The following RBFOX1 variants were observed in gnomAD, a reference collection of about 807,000 sequenced individuals.
The protein encoded by RBFOX1 is RNA binding fox-1 homolog 1.
Under a neutral mutation model 57.7 loss-of-function variants are expected in RBFOX1, and 8 were observed. That is an observed-to-expected ratio of 0.14 (90% CI 0.08 to 0.25). The LOEUF (loss-of-function observed/expected upper bound fraction) is 0.25, where lower values mean the gene tolerates loss of function less well. Ranked by LOEUF, RBFOX1 falls within the 10% of genes least tolerant of loss-of-function variation. The probability of loss-of-function intolerance (pLI) is 1.00; values close to 1 mark genes in which losing one functional copy is unlikely to be tolerated. For synonymous variants in RBFOX1, 326 were observed against 222.4 expected (o/e 1.47, Z -4.15); for missense variants, 611 against 548.5 (o/e 1.11, Z -1.14).
At chr16:6,901,381 A>G (rs1458219432) in intron 3 of RBFOX1, among the ~76,000 whole-genome samples, 1 of 152,164 alleles carries the variant, frequency 6.6e-6, no homozygotes, top group African/African-American at 2.4e-5. Flanking sequence ...TGCAAAATCA[A>G]AGTGAACAGG....
At chr16:5,980,505 A>T (rs978032806) in intron 4 of RBFOX1, among the ~76,000 whole-genome samples, 19 of 152,072 alleles carry the variant, frequency 1.2e-4, no homozygotes, top group Non-Finnish European at 2.6e-4. Context: ...CACAGTTTTT[A>T]TTGGCTACCT....
chr16:5,392,317 T>C (rs1006475632), intron 1 of RBFOX1, among the ~76,000 whole-genome samples: 2 of 152,092 alleles, frequency 1.3e-5, no homozygotes, highest in Non-Finnish European at 2.9e-5. Flanking sequence ...AATAAGGGCA[T>C]AGTCACATCA....
intron 3 of RBFOX1, among the ~76,000 whole-genome samples, chr16:5,809,226 GA>G (rs2055336177): frequency 6.6e-6 from 1 of 152,142 alleles, no homozygotes; most frequent in African/African-American, 2.4e-5. Flanking sequence ...AACCCTAGAA[GA>G]AAACCTAGGC....
chr16:6,861,495 C>T (rs980339078), intron 3 of RBFOX1, among the ~76,000 whole-genome samples: 2 of 151,230 alleles, frequency 1.3e-5, no homozygotes, highest in African/African-American at 2.4e-5. Flanking sequence ...CCTCCCCCCC[C>T]GACTCAATTA....
chr16:5,796,534 A>G (rs990977625), intron 3 of RBFOX1, among the ~76,000 whole-genome samples: 7 of 150,654 alleles, frequency 4.6e-5, no homozygotes, highest in African/African-American at 1.7e-4. Flanking sequence ...CCAGGGATGA[A>G]GCAGGGCTGT....
At chr16:5,778,456 T>C (rs1409354343) in intron 3 of RBFOX1, among the ~76,000 whole-genome samples, 4 of 152,162 alleles carry the variant, frequency 2.6e-5, no homozygotes, top group African/African-American at 9.7e-5. Context: ...CATGAAATTA[T>C]TCAAACAAAG....
At chr16:5,748,764 C>T (rs1443149875) in intron 3 of RBFOX1, among the ~76,000 whole-genome samples, 1 of 152,222 alleles carries the variant, frequency 6.6e-6, no homozygotes, top group African/African-American at 2.4e-5. Context: ...CTATGTGTGT[C>T]TCTGCACATG....
chr16:6,432,636 C>A (rs576949235), intron 2 of RBFOX1, among the ~76,000 whole-genome samples: 1 of 151,196 alleles, frequency 6.6e-6, no homozygotes, highest in Non-Finnish European at 1.5e-5. Flanking sequence ...GAGCCGAGAT[C>A]GCAGCACTGC....
At chr16:7,556,210 A>G (rs1393305650) in intron 5 of RBFOX1, among the ~76,000 whole-genome samples, 1 of 152,160 alleles carries the variant, frequency 6.6e-6, no homozygotes, top group Non-Finnish European at 1.5e-5. Context: ...TAAGTTTTGC[A>G]CAACATGACG....
rs539661157 is a variant in RBFOX1 at position 5,508,044 on chromosome 16, A to G, written c.258+40790A>G. 9.1e-4 allele frequency among the ~76,000 whole-genome samples: 138 copies of G among 152,340 alleles called. 1 individual carries two copies. Among genetic ancestry groups the G allele is most frequent in the Non-Finnish European group, 1.7e-3 (114 of 68,028 alleles). ...CATCAGGAGTGGGGAAAAATGTAGAAGGGAAACCCCCATGGACAGTCCCCG... is the reference window on the plus strand; with the variant it reads ...CATCAGGAGTGGGGAAAAATGTAGAGGGGAAACCCCCATGGACAGTCCCCG... On this transcript the variant is annotated intron_variant, in intron 2 of 2. Coordinates refer to the RBFOX1 transcript ENST00000585867.
At chr16:6,414,206 T>C (rs911570741) in intron 2 of RBFOX1, among the ~76,000 whole-genome samples, 1 of 152,178 alleles carries the variant, frequency 6.6e-6, no homozygotes, top group Non-Finnish European at 1.5e-5. Flanking sequence ...GTGAAGAACC[T>C]TGGAAAGGTG....
rs115214602 is a variant in RBFOX1, at chr16:6,422,322, G to A, written c.-64+105265G>A. Among the ~76,000 whole-genome samples the A allele has an allele frequency of 2.1e-3, 324 of 151,644 alleles. 1 individual carries two copies. The highest frequency in any genetic ancestry group is 7.3e-3 in the African/African-American group (302 of 41,296). On this transcript the variant is annotated intron_variant, in intron 2 of 15. Coordinates refer to ENST00000550418, the MANE Select transcript of RBFOX1 (RefSeq NM_018723.4). Reference sequence around the variant, plus strand: ...GGTGTACTGTGTGATACTGAGGTTCGGGGTGTGGATGATCCCATCACCCAG... The same window carrying A: ...GGTGTACTGTGTGATACTGAGGTTCAGGGTGTGGATGATCCCATCACCCAG...
chr16:6,772,455 G>T (rs1179066362), intron 3 of RBFOX1, among the ~76,000 whole-genome samples: 1 of 151,584 alleles, frequency 6.6e-6, no homozygotes, highest in East Asian at 1.9e-4. Context: ...TGTATGTGTG[G>T]GCATGGGGTG....
chr16:6,853,530 G>T (rs557136837), intron 3 of RBFOX1, among the ~76,000 whole-genome samples: 14 of 152,194 alleles, frequency 9.2e-5, no homozygotes, highest in Non-Finnish European at 1.9e-4. Context: ...TCTGACAGTG[G>T]TAGATGCTTT....
chr16:7,096,838 A>T (rs1184437903), intron 4 of RBFOX1, among the ~76,000 whole-genome samples: 1 of 151,030 alleles, frequency 6.6e-6, no homozygotes, highest in Admixed American at 6.6e-5. Flanking sequence ...GGGCTGAGGT[A>T]AGAGAATCAC....
At chr16:6,087,410 G>A (rs1352157) in intron 1 of RBFOX1, among the ~76,000 whole-genome samples, 91,543 of 151,928 alleles carry the variant, frequency 0.6, 27,712 homozygotes, top group East Asian at 0.67. Context: ...AAGAAGTTCA[G>A]AATTCAACTG....
chr16:7,473,062 C>G (rs1335407317), intron 4 of RBFOX1, among the ~76,000 whole-genome samples: 3 of 152,102 alleles, frequency 2.0e-5, no homozygotes, highest in East Asian at 1.9e-4. Context: ...AGGGTTGATA[C>G]AAACGATGAA....
intron 4 of RBFOX1, among the ~76,000 whole-genome samples, chr16:5,901,037 G>A (rs2058293671): frequency 6.6e-6 from 1 of 152,156 alleles, no homozygotes; most frequent in African/African-American, 2.4e-5. Flanking sequence ...AGAGATACCT[G>A]CCTCCTCTCC....
Position 6,503,907 on chromosome 16 carries a change from C to T in RBFOX1, c.-63-150696C>T, listed in dbSNP as rs112132676. On this transcript the variant is annotated intron_variant, in intron 2 of 15. Coordinates refer to ENST00000550418, the MANE Select transcript of RBFOX1 (RefSeq NM_018723.4). ...ATGCACTGAAGGGAATAATGCTCTA[C>T]GAGGAGGATGTTCCTTAAGCCGGAC... 8.3e-4 allele frequency among the ~76,000 whole-genome samples: 127 copies of T among 152,324 alleles called. 2 individuals are homozygous for T. Among genetic ancestry groups the T allele is most frequent in the East Asian group, 5.8e-4 (3 of 5,178 alleles).
Sources: allele counts gnomAD v4.1 joint callset (sites outside exome capture counted in the v4.1 genomes callset), GRCh38; gene constraint gnomAD v4.1.1; transcripts MANE v1.5; gene names NCBI Gene and HGNC (gene_info 2026-07-23, HGNC 2026-07-21).